Variants in DLG2 observed in about 807,000 individuals in gnomAD.
The protein encoded by DLG2 is discs large MAGUK scaffold protein 2.
Under a neutral mutation model 132.5 loss-of-function variants are expected in DLG2, and 45 were observed. The ratio of observed to expected loss-of-function variants is 0.34; its 90% CI spans 0.27 to 0.44. The LOEUF is 0.44. Ranked by LOEUF, DLG2 falls within the 20% of genes least tolerant of loss-of-function variation. The probability of loss-of-function intolerance (pLI) is 1.00; values close to 1 mark genes in which losing one functional copy is unlikely to be tolerated. For synonymous variants in DLG2, 424 were observed against 419.6 expected, an observed-to-expected ratio of 1.01 and a Z score of -0.13; for missense variants, 1,045 against 1,196.9, an observed-to-expected ratio of 0.87 and a Z score of 1.87.
intron 3 of DLG2, among the ~76,000 whole-genome samples, chr11:85,337,407 G>A (rs1252500063): frequency 1.3e-5 from 2 of 152,012 alleles, no homozygotes; most frequent in Admixed American, 6.6e-5. Flanking sequence ...TTAATCTGAT[G>A]TACACACTTC....
intron 3 of DLG2, among the ~76,000 whole-genome samples, chr11:85,564,178 C>T (rs1208684952): frequency 6.6e-6 from 1 of 152,034 alleles, no homozygotes; most frequent in Non-Finnish European, 1.5e-5. Context: ...CAGATGTATA[C>T]ATCACAAATA....
intron 15 of DLG2, among the ~76,000 whole-genome samples, chr11:83,879,926 A>G (rs540468427): frequency 1.3e-5 from 2 of 152,320 alleles, no homozygotes; most frequent in East Asian, 3.9e-4. Context: ...TTGGCAAACT[A>G]CCTAAGCTAT....
At chr11:84,671,496 G>C (rs2099705867) in intron 6 of DLG2, among the ~76,000 whole-genome samples, 1 of 152,086 alleles carries the variant, frequency 6.6e-6, no homozygotes, top group African/African-American at 2.4e-5. Context: ...GATGACAGTA[G>C]GGGGAGGAGA....
intron 3 of DLG2, among the ~76,000 whole-genome samples, chr11:85,496,883 G>A (rs286529): frequency 0.83 from 126,091 of 152,098 alleles, 52,937 homozygotes; most frequent in Non-Finnish European, 0.91. Context: ...TAGTATCAAC[G>A]TCAACAAAAA....
At chr11:85,414,014 T>C (rs1236038333) in intron 3 of DLG2, among the ~76,000 whole-genome samples, 1 of 152,130 alleles carries the variant, frequency 6.6e-6, no homozygotes, top group African/African-American at 2.4e-5. Context: ...ACAATATTGA[T>C]TCTACCCATT....
At position 83,458,931 on chromosome 11, in the gene DLG2, CAG is replaced by C. The variant is rs2089405578; in HGVS notation, c.*885_*886del. ...GTCTTTGTCAGACTTAAAAGGAACT[CAG>C]ATGCTCTTAACAGATCATTGGCAAC... On this transcript the variant is annotated 3_prime_UTR_variant, in exon 28 of 28. Transcript: ENST00000376104. 6.6e-6 allele frequency: 1 copy of C among 152,194 alleles called. No individual in the cohort carries two copies. Among genetic ancestry groups the C allele is most frequent in the South Asian group, 2.1e-4 (1 of 4,836 alleles). The allele number at this position is 152,194 out of a possible 1,614,324, so 9.4% of individuals were successfully genotyped here. A position where few individuals can be genotyped will look rare whatever the true frequency, so the allele number is the denominator to read the frequency against.
At chr11:85,074,113 G>C (rs79178550) in intron 6 of DLG2, among the ~76,000 whole-genome samples, 1,672 of 151,748 alleles carry the variant, frequency 0.011, 31 homozygotes, top group African/African-American at 0.038. Context: ...TAGGAGGAAG[G>C]TGAGGATCAA....
At chr11:85,212,250 A>C (rs7111281) in intron 4 of DLG2, among the ~76,000 whole-genome samples, 130,135 of 152,008 alleles carry the variant, frequency 0.86, 56,301 homozygotes, top group Non-Finnish European at 0.93. Context: ...AGATGTTGAC[A>C]CCCCGAATCG....
chr11:85,090,114 T>C (rs1202457072), intron 6 of DLG2, among the ~76,000 whole-genome samples: 2 of 152,192 alleles, frequency 1.3e-5, no homozygotes, highest in African/African-American at 4.8e-5. Context: ...GGCACACATG[T>C]ATATAAGAGT....
At position 84,205,182 on chromosome 11, in the gene DLG2, A is replaced by G. The variant is rs753117789; in HGVS notation, c.574-41671T>C. On this transcript the variant is annotated intron_variant, in intron 8 of 27. Transcript: ENST00000376104. ...ATAAGGACTAAAAGACAGATTCAGC[A>G]GAAAGACAAAGCAATCTTAACTGTA... is the stretch of plus-strand genomic sequence containing the variant. Among the ~76,000 whole-genome samples, 100 of 152,240 alleles carry G rather than the reference A, an allele frequency of 6.6e-4. 1 individual carries two copies. The highest frequency in any genetic ancestry group is 5.3e-4 in the Non-Finnish European group (36 of 68,044).
At chr11:84,012,743 A>C (rs1038386231) in intron 11 of DLG2, among the ~76,000 whole-genome samples, 3 of 152,122 alleles carry the variant, frequency 2.0e-5, no homozygotes, top group Non-Finnish European at 2.9e-5. Flanking sequence ...ATAAAAAGGA[A>C]GTTGAGCACT....
chr11:84,579,306 A>T (rs1219349360), intron 6 of DLG2, among the ~76,000 whole-genome samples: 1 of 151,908 alleles, frequency 6.6e-6, no homozygotes, highest in East Asian at 1.9e-4. Context: ...ATAGTTTTTC[A>T]ATAAGACCTT....
intron 17 of DLG2, among the ~76,000 whole-genome samples, chr11:83,797,822 T>C (rs573465953): frequency 9.2e-5 from 14 of 152,314 alleles, no homozygotes; most frequent in Non-Finnish European, 1.9e-4. Flanking sequence ...CCGGCCGCGT[T>C]TGCATTCTTA....
chr11:85,076,758 T>C (rs557589768), intron 6 of DLG2, among the ~76,000 whole-genome samples: 13 of 151,978 alleles, frequency 8.6e-5, no homozygotes, highest in Non-Finnish European at 1.5e-5. Flanking sequence ...AGCTCACAGA[T>C]TCTCCTCTCT....
intron 8 of DLG2, among the ~76,000 whole-genome samples, chr11:84,199,990 T>G (rs1431230141): frequency 6.6e-6 from 1 of 152,044 alleles, no homozygotes; most frequent in East Asian, 1.9e-4. Flanking sequence ...CCAAGAAATA[T>G]TCTAGTCAAA....
intron 5 of DLG2, among the ~76,000 whole-genome samples, chr11:85,135,785 A>G (rs2076100918): frequency 6.6e-6 from 1 of 152,238 alleles, no homozygotes; most frequent in Non-Finnish European, 1.5e-5. Context: ...CATTCAACAA[A>G]TATACTTGAG....
chr11:85,324,266 C>T (rs538223079), intron 3 of DLG2, among the ~76,000 whole-genome samples: 1 of 152,098 alleles, frequency 6.6e-6, no homozygotes, highest in African/African-American at 2.4e-5. Context: ...GGAGTGATGC[C>T]AGGATATTTT....
intron 6 of DLG2, among the ~76,000 whole-genome samples, chr11:85,030,093 G>T (rs551472759): frequency 6.6e-6 from 1 of 152,106 alleles, no homozygotes; most frequent in African/African-American, 2.4e-5. Flanking sequence ...AGCGGGGAAG[G>T]CTGCCCACTT....
intron 7 of DLG2, among the ~76,000 whole-genome samples, chr11:84,348,706 A>G (rs370914669): frequency 1.3e-5 from 2 of 152,292 alleles, no homozygotes; most frequent in African/African-American, 4.8e-5. Flanking sequence ...GAGTCTTTGT[A>G]AATGTAGTCA....
Sources: allele counts gnomAD v4.1 joint callset (sites outside exome capture counted in the v4.1 genomes callset), GRCh38; gene constraint gnomAD v4.1.1; transcripts MANE v1.5; gene names NCBI Gene and HGNC (gene_info 2026-07-23, HGNC 2026-07-21).